Variants in FRMPD2 observed in about 807,000 individuals in gnomAD.
The protein encoded by FRMPD2 is FERM and PDZ domain containing 2.
A neutral mutation model predicts 140.1 loss-of-function variants in FRMPD2; 96 were observed. The observed-to-expected ratio is 0.69, with a 90% confidence interval of 0.58 to 0.81. The LOEUF (loss-of-function observed/expected upper bound fraction) is 0.81. FRMPD2 is among the 40% of genes least tolerant of loss of function. The pLI is 0.00. For synonymous variants in FRMPD2, 449 were observed against 547.6 expected (o/e 0.82, Z 2.52); for missense variants, 1,240 against 1,447.4 (o/e 0.86, Z 2.32).
At chr10:48,200,719 CCCTAT>C (rs1158197747) in intron 15 of FRMPD2, among the ~76,000 whole-genome samples, 1 of 152,194 alleles carries the variant, frequency 6.6e-6, no homozygotes, top group East Asian at 1.9e-4. Flanking sequence ...TCACTTAGCA[CCCTAT>C]CATGTACAGT....
At position 48,206,302 on chromosome 10, in the gene FRMPD2, C is replaced by T. The variant is rs193073964; in HGVS notation, c.1797+446G>A. The stretch of plus-strand genomic sequence containing the variant: ...TAGTCCTCAGAGACAGACCAGAGGC[C>T]TTGGCACACTGCGTGCAAAGGGAAA... On this transcript the variant is annotated intron_variant, in intron 14 of 28. Coordinates refer to ENST00000374201, the MANE Select transcript of FRMPD2 (RefSeq NM_001018071.4). 1.0e-3 allele frequency among the ~76,000 whole-genome samples: 155 copies of T among 152,312 alleles called. 1 individual carries two copies. Among genetic ancestry groups the T allele is most frequent in the Non-Finnish European group, 2.1e-3 (142 of 68,028 alleles).
At position 48,212,034 on chromosome 10, in the gene FRMPD2, G is replaced by A. The variant is rs368008665; in HGVS notation, c.1531C>T (p.Arg511Trp). Residue 511 changes from arginine to tryptophan, a missense_variant, in exon 13 of 29, where the codon CGG (arginine) becomes TGG (tryptophan). By Grantham distance (101) the Arg-to-Trp change is moderately radical. Around this residue, in one of 6 missense-constraint regions of FRMPD2, gnomAD observed 1,161 missense variants for 1,055.9 expected, o/e 1.10. Coordinates refer to ENST00000374201, the MANE Select transcript of FRMPD2 (RefSeq NM_001018071.4). Reference sequence around the variant, plus strand: ...ATCTCTGAGACTTCAACCTGGACCCGTAGAGCGGTCATCCTCTCGATCAGA... The same window carrying A: ...ATCTCTGAGACTTCAACCTGGACCCATAGAGCGGTCATCCTCTCGATCAGA... ...ASLIERMTAL[R>W]VQVEVSEMHR... The A allele has an allele frequency of 4.9e-5, 79 of 1,614,042 alleles. 1 individual carries two copies. In the South Asian group the frequency reaches 5.7e-4, roughly 12 times the overall value.
rs140652193 is a variant in FRMPD2 at position 48,271,521 on chromosome 10, C to T, written c.25+3022G>A. The stretch of plus-strand genomic sequence containing the variant: ...AGCCCTCCTGGAACTGGTTCCTGTG[C>T]ACCATCCTACACATCTCCTTCCTGC... On this transcript the variant is annotated intron_variant, in intron 1 of 28. Transcript: ENST00000374201. 8.5e-5 allele frequency among the ~76,000 whole-genome samples: 13 copies of T among 152,338 alleles called. No individual in the cohort carries two copies. The South Asian group carries it at 2.5e-3, about 29-fold the overall frequency.
intron 20 of FRMPD2, among the ~76,000 whole-genome samples, chr10:48,181,756 G>T (rs946775979): frequency 3.3e-5 from 5 of 151,220 alleles, no homozygotes; most frequent in Non-Finnish European, 5.9e-5. Context: ...CAATAATATT[G>T]TAGAGTTGGT....
In FRMPD2 at chr10:48,251,482, A is replaced by C. The variant is rs375720977; in HGVS notation, c.151+84T>G. 2.6e-6 allele frequency: 4 copies of C among 1,548,460 alleles called. No individual in the cohort carries two copies. In the African/African-American group the frequency reaches 4.1e-5, roughly 16 times the overall value. On this transcript the variant is annotated intron_variant, in intron 2 of 28. Transcript: ENST00000374201. Reference sequence around the variant, plus strand: ...GTGCTCTCAGAGGTTGATTTAAAAAAGCAGCAGCAGCCAGAACTGTGTTTG... The same window carrying C: ...GTGCTCTCAGAGGTTGATTTAAAAACGCAGCAGCAGCCAGAACTGTGTTTG...
intron 16 of FRMPD2, among the ~76,000 whole-genome samples, chr10:48,191,089 C>G (rs1838820028): frequency 6.6e-6 from 1 of 152,210 alleles, no homozygotes; most frequent in African/African-American, 2.4e-5. Context: ...TATGGCAGGA[C>G]TGACACCAGG....
At chr10:48,252,092 A>G (rs924115031) in intron 1 of FRMPD2, among the ~76,000 whole-genome samples, 2 of 152,168 alleles carry the variant, frequency 1.3e-5, no homozygotes, top group Non-Finnish European at 2.9e-5. Flanking sequence ...GAAGTTAGCT[A>G]ACATTTTTGC....
chr10:48,267,619 C>T (rs1011853456), intron 1 of FRMPD2, among the ~76,000 whole-genome samples: 1 of 152,176 alleles, frequency 6.6e-6, no homozygotes, highest in African/African-American at 2.4e-5. Context: ...CCTACAATTC[C>T]TTAACAAAAA....
chr10:48,229,408 T>C (rs1361460353), intron 10 of FRMPD2, among the ~76,000 whole-genome samples: 1 of 152,148 alleles, frequency 6.6e-6, no homozygotes, highest in Non-Finnish European at 1.5e-5. Context: ...CTTCCCAAAA[T>C]CAAATTCTAA....
At chr10:48,263,734 G>C (rs73296386) in intron 1 of FRMPD2, among the ~76,000 whole-genome samples, 1 of 152,004 alleles carries the variant, frequency 6.6e-6, no homozygotes, top group African/African-American at 2.4e-5. Flanking sequence ...AAAAGATGAC[G>C]CTAATTATCT....
At chr10:48,252,043 C>T (rs529646835) in intron 1 of FRMPD2, among the ~76,000 whole-genome samples, 1 of 152,214 alleles carries the variant, frequency 6.6e-6, no homozygotes, top group South Asian at 2.1e-4. Flanking sequence ...GTAACCTACA[C>T]CTGGGTAGTG....
rs764622956 is a variant in FRMPD2, at chr10:48,242,212, A to C, written c.516T>G (p.Ala172=). ...CAACCAGCCTTCTGATGTGGAGACCAGCAGGGGCTGGGTAGACAGACACTT... is the reference window on the plus strand; with the variant it reads ...CAACCAGCCTTCTGATGTGGAGACCCGCAGGGGCTGGGTAGACAGACACTT... ...EKEVSVYPAP[A]GLHIRRLVGL... is the part of the protein sequence containing the mutation. Residue 172 remains alanine (A), a synonymous_variant, in exon 5 of 29, where the codon GCT becomes GCG. Coordinates refer to ENST00000374201, the MANE Select transcript of FRMPD2 (RefSeq NM_001018071.4). 6.2e-7 allele frequency: 1 copy of C among 1,614,216 alleles called. No homozygotes were observed. The highest frequency in any genetic ancestry group is 1.1e-5 in the South Asian group (1 of 91,080).
chr10:48,244,375 G>A (rs778938332), intron 4 of FRMPD2, among the ~76,000 whole-genome samples: 3 of 152,240 alleles, frequency 2.0e-5, no homozygotes, highest in Non-Finnish European at 4.4e-5. Flanking sequence ...ATTGTAGGGA[G>A]CATTTACCCA....
chr10:48,232,342 T>G, intron 9 of FRMPD2, 53 bp from the exon 10 acceptor site: 3 of 1,352,470 alleles, frequency 2.2e-6, no homozygotes, highest in Non-Finnish European at 3.1e-6. Flanking sequence ...ATTGAGCCTT[T>G]AGTGTGTGCT....
chr10:48,169,807 GA>G (rs1838191995), intron 26 of FRMPD2, among the ~76,000 whole-genome samples: 2 of 89,632 alleles, frequency 2.2e-5, no homozygotes, highest in South Asian at 5.6e-4. Context: ...CTCTGCTTAA[GA>G]ACTGCTGATC....
intron 1 of FRMPD2, among the ~76,000 whole-genome samples, chr10:48,254,969 G>A (rs2131973797): frequency 6.6e-6 from 1 of 152,294 alleles, no homozygotes; most frequent in Non-Finnish European, 1.5e-5. Flanking sequence ...ATGGTCTGGT[G>A]GGCTGTATCA....
At chr10:48,240,745 T>TG (rs1430880308) in intron 5 of FRMPD2, among the ~76,000 whole-genome samples, 1 of 152,152 alleles carries the variant, frequency 6.6e-6, no homozygotes, top group Admixed American at 6.5e-5. Flanking sequence ...ATTCCCTCCA[T>TG]GGCTACAGCC....
chr10:48,274,017 A>C (rs1460895992), intron 1 of FRMPD2, among the ~76,000 whole-genome samples: 1 of 152,198 alleles, frequency 6.6e-6, no homozygotes, highest in Non-Finnish European at 1.5e-5. Context: ...GCATACCCTG[A>C]GTCTTCTTAC....
In FRMPD2 at chr10:48,223,064, G is replaced by A. The variant is rs766274891; in HGVS notation, c.1316+59C>T. The A allele has an allele frequency of 5.2e-5, 78 of 1,496,696 alleles. 1 individual carries two copies. Among genetic ancestry groups the A allele is most frequent in the South Asian group, 3.9e-4 (31 of 79,426 alleles). The allele number at this position is 1,496,696 out of a possible 1,614,324, so 92.7% of individuals were successfully genotyped here. On this transcript the variant is annotated intron_variant, in intron 11 of 28. Coordinates refer to ENST00000374201, the MANE Select transcript of FRMPD2 (RefSeq NM_001018071.4). The stretch of plus-strand genomic sequence containing the variant: ...GCACTTGTCGATCCATTACCTCTCC[G>A]TCAGCCTGGACATACATAAATCCCT...
Sources: allele counts gnomAD v4.1 joint callset (sites outside exome capture counted in the v4.1 genomes callset), GRCh38; gene constraint gnomAD v4.1.1; regional missense constraint gnomAD v4.1.1; transcripts MANE v1.5; gene names NCBI Gene and HGNC (gene_info 2026-07-23, HGNC 2026-07-21).